ROBO2: variants seen among roughly 807,000 people sequenced by gnomAD.
ROBO2 encodes the protein roundabout homolog 2.
ROBO2 carries 53 observed loss-of-function variants against 160.8 expected under a neutral mutation model. That is an observed-to-expected ratio of 0.33 (90% CI 0.26 to 0.41). The LOEUF (loss-of-function observed/expected upper bound fraction) is 0.41. Ranked by LOEUF, ROBO2 falls within the 10% of genes least tolerant of loss-of-function variation. ROBO2 has a pLI of 1.00. For missense variants in ROBO2, 1,577 were observed against 1,722.4 expected (o/e 0.92, Z 1.49); for synonymous variants, 664 against 611.7 (o/e 1.09, Z -1.26).
chr3:77,532,318 G>A (rs1404031453), intron 6 of ROBO2, among the ~76,000 whole-genome samples: 2 of 151,648 alleles, frequency 1.3e-5, no homozygotes, highest in Non-Finnish European at 2.9e-5. Context: ...TTTTTTCTTG[G>A]CTGGGATTTT....
intron 2 of ROBO2, among the ~76,000 whole-genome samples, chr3:76,063,961 A>C (rs1191370125): frequency 6.6e-6 from 1 of 152,150 alleles, no homozygotes; most frequent in Non-Finnish European, 1.5e-5. Flanking sequence ...CTATGTTTTG[A>C]GAGGGCCATA....
At chr3:76,608,315 G>C (rs1464854157) in intron 2 of ROBO2, among the ~76,000 whole-genome samples, 1 of 152,194 alleles carries the variant, frequency 6.6e-6, no homozygotes, top group Non-Finnish European at 1.5e-5. Context: ...TCAGTGGGGA[G>C]AGAAGAAAGG....
chr3:77,619,873 T>C (rs12632130), intron 22 of ROBO2, among the ~76,000 whole-genome samples: 8,480 of 152,236 alleles, frequency 0.056, 341 homozygotes, highest in East Asian at 0.2. Context: ...TTACATATCC[T>C]AGTTTTTGTG....
intron 2 of ROBO2, among the ~76,000 whole-genome samples, chr3:76,116,207 T>C (rs1276256492): frequency 6.6e-6 from 1 of 151,934 alleles, no homozygotes; most frequent in Non-Finnish European, 1.5e-5. Flanking sequence ...CTCAAAAGAG[T>C]GTCCATGGTT....
At chr3:76,843,284 A>G (rs1325200800) in intron 2 of ROBO2, among the ~76,000 whole-genome samples, 1 of 151,436 alleles carries the variant, frequency 6.6e-6, no homozygotes, top group Non-Finnish European at 1.5e-5. Context: ...AATTAAATAT[A>G]TGTATCTGAT....
chr3:75,977,649 A>G (rs615222), intron 2 of ROBO2, among the ~76,000 whole-genome samples: 115,244 of 151,276 alleles, frequency 0.76, 45,034 homozygotes, highest in South Asian at 0.9. Context: ...TTTAACTAGG[A>G]TGGATGAACG....
At chr3:76,833,160 C>A (rs2067232511) in intron 2 of ROBO2, among the ~76,000 whole-genome samples, 1 of 152,140 alleles carries the variant, frequency 6.6e-6, no homozygotes. Context: ...AAGTAATTTA[C>A]CTCTTGAGAT....
intron 2 of ROBO2, among the ~76,000 whole-genome samples, chr3:76,628,446 T>TTA (rs2089813771): frequency 6.6e-6 from 1 of 151,118 alleles, no homozygotes. Context: ...TTTTTTTTTT[T>TTA]TTTTAGAGAT....
chr3:77,269,613 A>ATGTG (rs146144052), intron 2 of ROBO2, among the ~76,000 whole-genome samples: 1 of 151,786 alleles, frequency 6.6e-6, no homozygotes, highest in Non-Finnish European at 1.5e-5. Context: ...GTTTTCCAAG[A>ATGTG]TGTGTGTGTA....
chr3:77,562,138 T>A (rs2153661703), intron 9 of ROBO2, among the ~76,000 whole-genome samples: 1 of 152,256 alleles, frequency 6.6e-6, no homozygotes, highest in African/African-American at 2.4e-5. Flanking sequence ...TTCTTCACTT[T>A]TTTCCATGTC....
At chr3:76,211,877 G>A (rs1474430944) in intron 2 of ROBO2, among the ~76,000 whole-genome samples, 1 of 151,836 alleles carries the variant, frequency 6.6e-6, no homozygotes, top group East Asian at 1.9e-4. Flanking sequence ...CTGGATTTAG[G>A]ATTTTGTCTG....
At chr3:75,919,046 T>C (rs961878626) in intron 1 of ROBO2, among the ~76,000 whole-genome samples, 1 of 152,144 alleles carries the variant, frequency 6.6e-6, no homozygotes, top group Non-Finnish European at 1.5e-5. Flanking sequence ...TCTTGCTTGA[T>C]TGCCCTGGCC....
intron 2 of ROBO2, among the ~76,000 whole-genome samples, chr3:76,790,918 T>C (rs1409192338): frequency 6.6e-6 from 1 of 151,708 alleles, no homozygotes; most frequent in African/African-American, 2.4e-5. Flanking sequence ...ATTTCTTTAT[T>C]TTCTTCTTTA....
intron 1 of ROBO2, among the ~76,000 whole-genome samples, chr3:77,092,527 T>A (rs2070433002): frequency 6.7e-6 from 1 of 148,678 alleles, no homozygotes; most frequent in African/African-American, 2.4e-5. Flanking sequence ...ATCTCTCTTT[T>A]ATTATAAAAG....
Position 76,374,850 on chromosome 3 carries a change from A to G in ROBO2, c.109+437248A>G, listed in dbSNP as rs564883303. 4.4e-4 allele frequency among the ~76,000 whole-genome samples: 67 copies of G among 152,022 alleles called. No individual in the cohort carries two copies. The South Asian group carries it at 0.013, about 31-fold the overall frequency. On this transcript the variant is annotated intron_variant, in intron 2 of 26. Transcript: ENST00000487694. ...AGAAGACCATAGCTTGGATAATAATAGTTCATTTCTGAAATGGGCTCAACA... is the reference window on the plus strand; with the variant it reads ...AGAAGACCATAGCTTGGATAATAATGGTTCATTTCTGAAATGGGCTCAACA...
chr3:77,346,878 G>A (rs2067709500), intron 2 of ROBO2, among the ~76,000 whole-genome samples: 1 of 152,134 alleles, frequency 6.6e-6, no homozygotes, highest in African/African-American at 2.4e-5. Context: ...CCTTCTGGCA[G>A]AGAAGTTTCT....
chr3:77,363,892 G>A (rs564823309), intron 2 of ROBO2, among the ~76,000 whole-genome samples: 61 of 152,194 alleles, frequency 4.0e-4, no homozygotes, highest in African/African-American at 1.3e-3. Flanking sequence ...AGAAAGGGGA[G>A]CAGAAGACAG....
intron 2 of ROBO2, among the ~76,000 whole-genome samples, chr3:76,371,862 A>G (rs1397036550): frequency 6.6e-6 from 1 of 151,936 alleles, no homozygotes; most frequent in African/African-American, 2.4e-5. Context: ...GTTTTCCATA[A>G]TATCAGTACA....
chr3:76,448,103 AC>A, intron 2 of ROBO2, among the ~76,000 whole-genome samples: 1 of 151,684 alleles, frequency 6.6e-6, no homozygotes, highest in East Asian at 1.9e-4. Context: ...AAAAGAAAAA[AC>A]AAACAAACAA....
Sources: allele counts gnomAD v4.1 joint callset (sites outside exome capture counted in the v4.1 genomes callset), GRCh38; gene constraint gnomAD v4.1.1; transcripts MANE v1.5; gene names NCBI Gene and HGNC (gene_info 2026-07-23, HGNC 2026-07-21).